The following NUDT3 variants were observed in gnomAD, a reference collection of about 807,000 sequenced individuals.
NUDT3 encodes nudix hydrolase 3.
In NUDT3, 9 loss-of-function variants were observed where a neutral mutation model predicts 23.6. That is an observed-to-expected ratio of 0.38 (90% CI 0.23 to 0.66). The LOEUF (loss-of-function observed/expected upper bound fraction) is 0.66, where lower values mean the gene tolerates loss of function less well. Ranked by LOEUF, NUDT3 falls within the 30% of genes least tolerant of loss-of-function variation. The pLI is 0.52. For missense variants in NUDT3, 172 were observed against 218.5 expected (o/e 0.79, Z 1.34); for synonymous variants, 86 against 82.6 (o/e 1.04, Z -0.22).
chr6:34,286,636 T>C lies in NUDT3; in HGVS notation c.*2117A>G, dbSNP rs1251938844. On this transcript the variant is annotated 3_prime_UTR_variant, in exon 5 of 5. Coordinates refer to ENST00000607016, the MANE Select transcript of NUDT3 (RefSeq NM_006703.4). ...GCATTCAGACTCAAGTCCCATGGTA[T>C]TGTTCTTATCCAATGGGACCTCTCC... is the stretch of plus-strand genomic sequence containing the variant. The C allele has an allele frequency of 1.3e-5, 2 of 152,110 alleles. No homozygotes were observed. The highest frequency in any genetic ancestry group is 2.9e-5 in the Non-Finnish European group (2 of 68,028). 9.4% of individuals were successfully genotyped at this position (152,110 alleles called of 1,614,324 possible).
At chr6:34,388,834 T>C (rs1026494413) in intron 1 of NUDT3, among the ~76,000 whole-genome samples, 3 of 152,250 alleles carry the variant, frequency 2.0e-5, no homozygotes, top group African/African-American at 7.2e-5. Context: ...TTATTTTTCT[T>C]CCCAGGCTTT....
chr6:34,341,813 A>G, intron 2 of NUDT3, 49 bp downstream of exon 2: 1 of 1,541,008 alleles, frequency 6.5e-7, no homozygotes, highest in Non-Finnish European at 8.9e-7. Context: ...CAGATAGGAC[A>G]GGTTCATGAT....
intron 1 of NUDT3, among the ~76,000 whole-genome samples, chr6:34,344,441 A>C (rs1764333827): frequency 6.6e-6 from 1 of 152,248 alleles, no homozygotes; most frequent in Non-Finnish European, 1.5e-5. Context: ...CAGGCACAGA[A>C]GGCCACATAT....
intron 1 of NUDT3, among the ~76,000 whole-genome samples, chr6:34,364,034 G>A (rs904238297): frequency 5.9e-5 from 9 of 152,142 alleles, no homozygotes; most frequent in African/African-American, 2.2e-4. Context: ...GAAGCTAGTT[G>A]CTAACTAACC....
intron 2 of NUDT3, among the ~76,000 whole-genome samples, chr6:34,306,911 TTCC>T (rs751375739): frequency 1.3e-5 from 2 of 152,236 alleles, no homozygotes; most frequent in Non-Finnish European, 2.9e-5. Context: ...AAAATATCAG[TTCC>T]TCGACTAAGG....
rs1381353085 is a variant in NUDT3, at chr6:34,285,169, T to C, written c.*3584A>G. 2.0e-5 allele frequency: 3 copies of C among 152,220 alleles called. No homozygotes were observed. Among genetic ancestry groups the C allele is most frequent in the Non-Finnish European group, 4.4e-5 (3 of 68,048 alleles). 9.4% of individuals were successfully genotyped at this position (152,220 alleles called of 1,614,324 possible). A position where few individuals can be genotyped will look rare whatever the true frequency, so the allele number is the denominator to read the frequency against. ...GGGCAGATGGAGTGGTGGACACTTG[T>C]GAAAACAAAACACTAACTGTTCCAT... On this transcript the variant is annotated 3_prime_UTR_variant, in exon 5 of 5. Coordinates refer to ENST00000607016, the MANE Select transcript of NUDT3 (RefSeq NM_006703.4).
chr6:34,349,906 C>G (rs1035290266), intron 1 of NUDT3, among the ~76,000 whole-genome samples: 1 of 150,146 alleles, frequency 6.7e-6, no homozygotes, highest in African/African-American at 2.5e-5. Context: ...CTGGTTAAAA[C>G]GGTGAAACCC....
intron 2 of NUDT3, among the ~76,000 whole-genome samples, chr6:34,320,291 TCTCGG>T (rs1561905824): frequency 6.6e-6 from 1 of 152,144 alleles, no homozygotes; most frequent in Non-Finnish European, 1.5e-5. Context: ...AGTGCTGTGA[TCTCGG>T]CTCACTGCAA....
At chr6:34,383,729 G>C (rs200901554) in intron 1 of NUDT3, among the ~76,000 whole-genome samples, 2 of 151,876 alleles carry the variant, frequency 1.3e-5, no homozygotes, top group East Asian at 3.9e-4. Flanking sequence ...CAGAAACAAA[G>C]AAGTAGGATT....
chr6:34,300,455 C>A (rs1318285862), intron 2 of NUDT3, among the ~76,000 whole-genome samples: 1 of 152,184 alleles, frequency 6.6e-6, no homozygotes, highest in Non-Finnish European at 1.5e-5. Flanking sequence ...AAATTCTGCT[C>A]CCCTCTGCAG....
At chr6:34,341,436 CA>C (rs1399322124) in intron 2 of NUDT3, among the ~76,000 whole-genome samples, 1 of 152,264 alleles carries the variant, frequency 6.6e-6, no homozygotes, top group East Asian at 1.9e-4. Context: ...CTAACATAAT[CA>C]CTCCTTTAGC....
intron 1 of NUDT3, among the ~76,000 whole-genome samples, chr6:34,371,775 T>C (rs1158030375): frequency 6.6e-6 from 1 of 152,236 alleles, no homozygotes; most frequent in African/African-American, 2.4e-5. Flanking sequence ...CTTTAAGTTC[T>C]AGAGTACATG....
At chr6:34,328,335 G>A (rs1314518926) in intron 2 of NUDT3, among the ~76,000 whole-genome samples, 2 of 152,146 alleles carry the variant, frequency 1.3e-5, no homozygotes, top group Non-Finnish European at 2.9e-5. Context: ...TTTGATGTAT[G>A]TATACACATT....
At chr6:34,386,439 G>A (rs926205397) in intron 1 of NUDT3, among the ~76,000 whole-genome samples, 2 of 152,148 alleles carry the variant, frequency 1.3e-5, no homozygotes, top group African/African-American at 4.8e-5. Flanking sequence ...TAAGCTCCCT[G>A]CATGTCTGTC....
At chr6:34,353,795 G>A (rs920142509) in intron 1 of NUDT3, among the ~76,000 whole-genome samples, 3 of 152,066 alleles carry the variant, frequency 2.0e-5, no homozygotes, top group African/African-American at 2.4e-5. Flanking sequence ...TTGACCTCCC[G>A]GGTTCAGGCA....
intron 2 of NUDT3, among the ~76,000 whole-genome samples, chr6:34,321,252 A>G (rs548361322): frequency 2.6e-5 from 4 of 152,220 alleles, no homozygotes; most frequent in African/African-American, 9.6e-5. Flanking sequence ...AGCCTGGGCA[A>G]CACAGTGAAA....
At chr6:34,327,157 AG>A (rs1047486617) in intron 2 of NUDT3, among the ~76,000 whole-genome samples, 1 of 152,086 alleles carries the variant, frequency 6.6e-6, no homozygotes, top group Non-Finnish European at 1.5e-5. Flanking sequence ...ATCATAGGAC[AG>A]GGGGCCCTTC....
At position 34,387,397 on chromosome 6, in the gene NUDT3, C is replaced by A. The variant is rs144917813; in HGVS notation, c.99+4867G>T. Among the ~76,000 whole-genome samples, 106 of 152,006 alleles carry A rather than the reference C, an allele frequency of 7.0e-4. 1 individual carries two copies. In the East Asian group the frequency reaches 0.011, roughly 16 times the overall value. On this transcript the variant is annotated intron_variant, in intron 1 of 4. Transcript: ENST00000607016. ...CTGATGATCCTGACCCTGTGTAGGC[C>A]TAGGTTAATGTGTGTTTGTGTCTTT...
chr6:34,322,422 G>T (rs943470292), intron 2 of NUDT3, among the ~76,000 whole-genome samples: 1 of 151,738 alleles, frequency 6.6e-6, no homozygotes, highest in African/African-American at 2.4e-5. Context: ...GTAGAGACGG[G>T]GTTTCACTGT....
Sources: allele counts gnomAD v4.1 joint callset (sites outside exome capture counted in the v4.1 genomes callset), GRCh38; gene constraint gnomAD v4.1.1; transcripts MANE v1.5; gene names NCBI Gene and HGNC (gene_info 2026-07-23, HGNC 2026-07-21).